The following WDR27 variants were observed in gnomAD, a reference collection of about 807,000 sequenced individuals.
The protein encoded by WDR27 is WD repeat domain 27, also known as WD repeat-containing protein 27.
In WDR27, 100 loss-of-function variants were observed where a neutral mutation model predicts 114.4. That is an observed-to-expected ratio of 0.87 (90% CI 0.74 to 1.03). WDR27 has a LOEUF of 1.03. WDR27 is among the 50% of genes least tolerant of loss of function. The probability of loss-of-function intolerance (pLI) is 0.00; values close to 1 mark genes in which losing one functional copy is unlikely to be tolerated. For synonymous variants in WDR27, 449 were observed against 423.1 expected, an observed-to-expected ratio of 1.06 and a Z score of -0.75; for missense variants, 1,129 against 1,092.9, an observed-to-expected ratio of 1.03 and a Z score of -0.47.
chr6:169,671,479 T>C (rs566226819), intron 3 of WDR27: 2 of 152,222 alleles, frequency 1.3e-5, no homozygotes, highest in Non-Finnish European at 1.5e-5. Flanking sequence ...TATAGTCTCT[T>C]TGCATTTATG....
At chr6:169,694,467 C>A (rs1785316669) in intron 1 of WDR27, among the ~76,000 whole-genome samples, 1 of 152,136 alleles carries the variant, frequency 6.6e-6, no homozygotes, top group African/African-American at 2.4e-5. Flanking sequence ...TTCTACCTTT[C>A]CCAAATGTAT....
intron 2 of WDR27, among the ~76,000 whole-genome samples, chr6:169,677,085 A>T (rs1780251395): frequency 6.6e-6 from 1 of 152,248 alleles, no homozygotes; most frequent in South Asian, 2.1e-4. Flanking sequence ...AAAAACGTGG[A>T]AGTGGCTTTG....
At chr6:169,554,742 CT>C (rs1302728745) in intron 25 of WDR27, among the ~76,000 whole-genome samples, 10 of 152,172 alleles carry the variant, frequency 6.6e-5, no homozygotes, top group African/African-American at 2.4e-4. Flanking sequence ...ATTCGCTGTA[CT>C]TTCCCCACGA....
chr6:169,565,032 G>A (rs1800243545), intron 25 of WDR27, among the ~76,000 whole-genome samples: 1 of 151,880 alleles, frequency 6.6e-6, no homozygotes, highest in South Asian at 2.1e-4. Context: ...CCTTCCACCA[G>A]CCTGAAGCCT....
intron 25 of WDR27, among the ~76,000 whole-genome samples, chr6:169,508,845 G>C (rs967813866): frequency 2.0e-5 from 3 of 152,172 alleles, no homozygotes; most frequent in Non-Finnish European, 2.9e-5. Flanking sequence ...ATAAATGATG[G>C]ACTTTATTCA....
intron 25 of WDR27, among the ~76,000 whole-genome samples, chr6:169,480,002 G>C (rs906036800): frequency 6.6e-6 from 1 of 152,218 alleles, no homozygotes; most frequent in Non-Finnish European, 1.5e-5. Context: ...GCCAAGGCCA[G>C]AGCCGGCTCC....
rs989423963 is a variant in WDR27 at position 169,662,227 on chromosome 6, G to A, written c.1025+77C>T. 1.3e-5 allele frequency: 20 copies of A among 1,525,040 alleles called. No individual in the cohort carries two copies. The South Asian group carries it at 2.2e-4, about 16-fold the overall frequency. The allele number at this position is 1,525,040 out of a possible 1,614,324, so 94.5% of individuals were successfully genotyped here. A position where few individuals can be genotyped will look rare whatever the true frequency, so the allele number is the denominator to read the frequency against. On this transcript the variant is annotated intron_variant, in intron 9 of 25. Coordinates refer to ENST00000448612, the MANE Select transcript of WDR27 (RefSeq NM_182552.5). ...TTTGGTTTTATCTCAGTCATTCTTA[G>A]AAAATGAACCTAATGTTCATCTAAG...
chr6:169,435,838 GA>G, the WDR27 span, among the ~76,000 whole-genome samples: 1 of 152,212 alleles, frequency 6.6e-6, no homozygotes, highest in Non-Finnish European at 1.5e-5. Flanking sequence ...GGGAAGGCAT[GA>G]TTGGTTTTGA....
chr6:169,582,714 G>A (rs1342161269), intron 24 of WDR27, 122 bp downstream of exon 24: 1 of 666,794 alleles, frequency 1.5e-6, no homozygotes, highest in Non-Finnish European at 2.5e-6. Context: ...TGCACTCAGT[G>A]AACACTGGCA....
At chr6:169,630,877 G>C (rs1481584057) in intron 21 of WDR27, among the ~76,000 whole-genome samples, 1 of 135,370 alleles carries the variant, frequency 7.4e-6, no homozygotes, top group Admixed American at 8.0e-5. Flanking sequence ...CTGGGAGACA[G>C]AGGAAGATTC....
chr6:169,543,919 C>T (rs1395044471), intron 25 of WDR27, among the ~76,000 whole-genome samples: 1 of 152,166 alleles, frequency 6.6e-6, no homozygotes, highest in Non-Finnish European at 1.5e-5. Flanking sequence ...CATCAGTTCA[C>T]TGAGTCATGC....
At chr6:169,601,570 T>C (rs1197708174) in intron 23 of WDR27, among the ~76,000 whole-genome samples, 1 of 152,158 alleles carries the variant, frequency 6.6e-6, no homozygotes, top group Non-Finnish European at 1.5e-5. Flanking sequence ...AAAATAATAA[T>C]CAAAGCAGGA....
At chr6:169,545,983 A>G (rs147732340) in intron 25 of WDR27, among the ~76,000 whole-genome samples, 11 of 152,344 alleles carry the variant, frequency 7.2e-5, no homozygotes, top group Admixed American at 3.9e-4. Context: ...ATAAGCCACC[A>G]AGAGGCTTAC....
At chr6:169,683,945 C>T (rs1782233195) in intron 2 of WDR27, among the ~76,000 whole-genome samples, 1 of 152,204 alleles carries the variant, frequency 6.6e-6, no homozygotes, top group Non-Finnish European at 1.5e-5. Context: ...GCTGCTGTAG[C>T]ACAGCACCAT....
At chr6:169,497,839 G>T (rs1347426296) in intron 25 of WDR27, among the ~76,000 whole-genome samples, 1 of 152,026 alleles carries the variant, frequency 6.6e-6, no homozygotes, top group Non-Finnish European at 1.5e-5. Flanking sequence ...AAAACAGCAT[G>T]GCATTTTTTT....
chr6:169,522,285 T>C (rs1032668252), intron 25 of WDR27, among the ~76,000 whole-genome samples: 6 of 152,046 alleles, frequency 3.9e-5, no homozygotes, highest in Non-Finnish European at 5.9e-5. Context: ...TATAAAATCA[T>C]AAATATCTAC....
chr6:169,662,448 C>CT, intron 8 of WDR27, 24 bp from the exon 9 acceptor site: 1 of 1,610,756 alleles, frequency 6.2e-7, no homozygotes, highest in Non-Finnish European at 8.5e-7. Flanking sequence ...TATTGAGAAT[C>CT]TAAGAAGTGA....
At chr6:169,611,345 A>G (rs1211948845) in intron 22 of WDR27, among the ~76,000 whole-genome samples, 5 of 133,664 alleles carry the variant, frequency 3.7e-5, no homozygotes, top group Non-Finnish European at 7.6e-5. Flanking sequence ...TCACTCTGTC[A>G]CCCAGGCTGG....
rs537851756 is a variant in WDR27 at position 169,673,906 on chromosome 6, A to T, written c.190-1510T>A. 1.7e-3 allele frequency among the ~76,000 whole-genome samples: 260 copies of T among 152,366 alleles called. 3 individuals are homozygous for T. Among genetic ancestry groups the T allele is most frequent in the South Asian group, 9.3e-3 (45 of 4,826 alleles). On this transcript the variant is annotated intron_variant, in intron 2 of 25. Transcript: ENST00000448612. ...AGGTGAGAGGGATGAGCATGCTGCT[A>T]AACCCCCTAGGCTTAGAATGGGAAC...
Sources: gnomAD v4.1 joint callset for allele counts (sites outside exome capture counted in the v4.1 genomes callset) on GRCh38, gnomAD v4.1.1 for gene constraint, MANE v1.5 for transcripts, NCBI Gene and HGNC (gene_info 2026-07-23, HGNC 2026-07-21) for gene names.